Variants in VWA8 observed in about 807,000 individuals in gnomAD.
VWA8 encodes the protein von Willebrand factor A domain-containing protein 8.
A neutral mutation model predicts 241.5 loss-of-function variants in VWA8; 221 were observed. That is an observed-to-expected ratio of 0.91 (90% confidence interval 0.82 to 1.02). The LOEUF (loss-of-function observed/expected upper bound fraction) is 1.02. VWA8 is among the 50% of genes least tolerant of loss of function. The pLI, the probability that VWA8 is intolerant of heterozygous loss-of-function variation, is 0.00. For missense variants in VWA8, 2,322 were observed against 2,328.7 expected, an observed-to-expected ratio of 1.00 and a Z score of 0.06; for synonymous variants, 852 against 827.1, an observed-to-expected ratio of 1.03 and a Z score of -0.52.
intron 30 of VWA8, among the ~76,000 whole-genome samples, 199 bp downstream of exon 30, chr13:41,692,663 A>T (rs755887432): frequency 9.2e-5 from 14 of 152,124 alleles, no homozygotes; most frequent in Non-Finnish European, 1.8e-4. Flanking sequence ...TAATGTCATA[A>T]AAAGAATTTA....
chr13:41,670,560 A>G (rs1375343043), intron 37 of VWA8, among the ~76,000 whole-genome samples: 1 of 152,154 alleles, frequency 6.6e-6, no homozygotes, highest in East Asian at 1.9e-4. Context: ...GCTGTATTCT[A>G]GTTCCTAAAT....
chr13:41,949,751 A>G (rs958232545), intron 2 of VWA8, among the ~76,000 whole-genome samples, 185 bp downstream of exon 2: 1 of 152,218 alleles, frequency 6.6e-6, no homozygotes, highest in African/African-American at 2.4e-5. Context: ...GATGTCTGGG[A>G]TAGGTTTTAA....
At chr13:41,637,428 G>T (rs1432656057) in intron 37 of VWA8, among the ~76,000 whole-genome samples, 21 of 103,946 alleles carry the variant, frequency 2.0e-4, no homozygotes, top group Admixed American at 6.3e-4. Flanking sequence ...TGGGGGGAGG[G>T]GGGAGGGATA....
intron 9 of VWA8, among the ~76,000 whole-genome samples, chr13:41,879,214 G>A (rs894200360): frequency 1.3e-5 from 2 of 152,080 alleles, no homozygotes; most frequent in African/African-American, 4.8e-5. Context: ...AATAAACCTT[G>A]AAGTGAACTA....
chr13:41,896,186 G>T (rs1036641880), intron 4 of VWA8, among the ~76,000 whole-genome samples: 1 of 151,896 alleles, frequency 6.6e-6, no homozygotes, highest in Non-Finnish European at 1.5e-5. Flanking sequence ...TAACTCTCTC[G>T]CACTGTTGGA....
chr13:41,901,634 G>A (rs1002011594), intron 4 of VWA8, among the ~76,000 whole-genome samples: 4 of 151,804 alleles, frequency 2.6e-5, no homozygotes, highest in Non-Finnish European at 4.4e-5. Flanking sequence ...GTGGGAGGCC[G>A]AGGTATGCGG....
chr13:41,744,537 A>G (rs942632953), intron 21 of VWA8, among the ~76,000 whole-genome samples: 1 of 152,228 alleles, frequency 6.6e-6, no homozygotes, highest in African/African-American at 2.4e-5. Context: ...CACTGTTGCC[A>G]TCATCTGAAG....
intron 36 of VWA8, among the ~76,000 whole-genome samples, chr13:41,673,922 G>C (rs1382673858): frequency 6.6e-6 from 1 of 152,112 alleles, no homozygotes; most frequent in Non-Finnish European, 1.5e-5. Flanking sequence ...AAACTAGTGA[G>C]AGAAATGACT....
intron 18 of VWA8, 101 bp from the exon 19 acceptor site, chr13:41,784,002 G>A: frequency 2.5e-6 from 2 of 785,962 alleles, no homozygotes; most frequent in Non-Finnish European, 4.2e-6. Flanking sequence ...AATATCTGTG[G>A]ATTTTAATTT....
intron 20 of VWA8, among the ~76,000 whole-genome samples, chr13:41,764,615 T>C (rs1040460391): frequency 2.0e-5 from 3 of 151,592 alleles, no homozygotes; most frequent in Non-Finnish European, 2.9e-5. Flanking sequence ...ACTAAAGAGG[T>C]ATAGGGAAAG....
At chr13:41,747,328 G>A (rs896633066) in intron 21 of VWA8, among the ~76,000 whole-genome samples, 1 of 152,102 alleles carries the variant, frequency 6.6e-6, no homozygotes, top group African/African-American at 2.4e-5. Context: ...CTTGTAAGTT[G>A]GATTCCTAGG....
At chr13:41,864,636 T>A (rs1301469498) in intron 12 of VWA8, 1 of 440,378 alleles carries the variant, frequency 2.3e-6, no homozygotes. Context: ...GGCAAATTTA[T>A]AGGGACAGAA....
chr13:41,909,376 T>A (rs944994485), intron 3 of VWA8, among the ~76,000 whole-genome samples: 2 of 152,128 alleles, frequency 1.3e-5, no homozygotes, highest in African/African-American at 4.8e-5. Flanking sequence ...GAGGAAAAAT[T>A]TTTAAATAGA....
chr13:41,709,748 ACTCTGTCT>A (rs1374916863), intron 26 of VWA8, among the ~76,000 whole-genome samples: 4 of 145,162 alleles, frequency 2.8e-5, no homozygotes, highest in Non-Finnish European at 4.5e-5. Context: ...CACATGAGTC[ACTCTGTCT>A]CTCTGTCTCT....
In VWA8 at chr13:41,810,163, G is replaced by A. The variant is rs147430337; in HGVS notation, c.2063+1062C>T. On this transcript the variant is annotated intron_variant, in intron 17 of 44. Coordinates refer to ENST00000379310, the MANE Select transcript of VWA8 (RefSeq NM_015058.2). Reference sequence around the variant, plus strand: ...ACACTGTGGGTGGAAATGTAAATTAGTATAACCACTATAGAGAACTATATG... The same window carrying A: ...ACACTGTGGGTGGAAATGTAAATTAATATAACCACTATAGAGAACTATATG... Among the ~76,000 whole-genome samples the A allele has an allele frequency of 6.0e-4, 91 of 152,104 alleles. 2 individuals are homozygous for A. The East Asian group carries it at 0.015, about 26-fold the overall frequency.
chr13:41,631,232 C>T (rs2044724375), intron 37 of VWA8, among the ~76,000 whole-genome samples: 1 of 152,070 alleles, frequency 6.6e-6, no homozygotes, highest in Non-Finnish European at 1.5e-5. Flanking sequence ...GTTGGCCAGG[C>T]TGGTCTTGAA....
chr13:41,893,320 AT>A (rs1874936877), intron 4 of VWA8, among the ~76,000 whole-genome samples: 2 of 152,212 alleles, frequency 1.3e-5, no homozygotes, highest in African/African-American at 4.8e-5. Flanking sequence ...TTGTAAAATG[AT>A]AAACTTTATG....
intron 17 of VWA8, among the ~76,000 whole-genome samples, chr13:41,801,650 G>A (rs1869967709): frequency 1.3e-5 from 2 of 152,162 alleles, no homozygotes; most frequent in South Asian, 4.1e-4. Flanking sequence ...ACAAGCCAAT[G>A]TTTTATAATC....
intron 20 of VWA8, among the ~76,000 whole-genome samples, chr13:41,773,386 C>T (rs1310284983): frequency 1.3e-5 from 2 of 152,152 alleles, no homozygotes; most frequent in Admixed American, 1.3e-4. Flanking sequence ...TGAAACAAGG[C>T]ATTTTTTAAA....
Sources: gnomAD v4.1 joint callset for allele counts (sites outside exome capture counted in the v4.1 genomes callset) on GRCh38, gnomAD v4.1.1 for gene constraint, MANE v1.5 for transcripts, NCBI Gene and HGNC (gene_info 2026-07-23, HGNC 2026-07-21) for gene names.